Variants in LRCH1 observed in about 807,000 individuals in gnomAD.
LRCH1 encodes the protein leucine rich repeats and calponin homology domain containing 1, also known as leucine-rich repeat and calponin homology domain-containing protein 1.
A neutral mutation model predicts 94.9 loss-of-function variants in LRCH1; 23 were observed. That is an observed-to-expected ratio of 0.24 (90% CI 0.17 to 0.34). The LOEUF (loss-of-function observed/expected upper bound fraction) is 0.34. Among genes scored for constraint, LRCH1 ranks in the 10% least tolerant of loss-of-function variants. The pLI, the probability that LRCH1 is intolerant of heterozygous loss-of-function variation, is 1.00. For synonymous variants in LRCH1, 364 were observed against 354.9 expected, an observed-to-expected ratio of 1.03 and a Z score of -0.29; for missense variants, 790 against 945.9, an observed-to-expected ratio of 0.84 and a Z score of 2.16.
chr13:46,623,331 G>A (rs2050902685), intron 1 of LRCH1, among the ~76,000 whole-genome samples: 2 of 152,136 alleles, frequency 1.3e-5, no homozygotes, highest in African/African-American at 4.8e-5. Context: ...GATGGTAATG[G>A]TGGGGAAAGA....
At chr13:46,739,031 A>C (rs1439162460) in intron 19 of LRCH1, among the ~76,000 whole-genome samples, 2 of 152,246 alleles carry the variant, frequency 1.3e-5, no homozygotes, top group Non-Finnish European at 2.9e-5. Context: ...TTTAGATTAA[A>C]AAATACTTTG....
chr13:46,752,633 G>A (rs1006818701), exon 19 of LRCH1: 2 of 152,184 alleles, frequency 1.3e-5, no homozygotes, highest in East Asian at 3.8e-4. Context: ...AACATTCAAA[G>A]GTTGACTATA....
intron 1 of LRCH1, among the ~76,000 whole-genome samples, chr13:46,626,639 G>C (rs1368962797): frequency 6.6e-6 from 1 of 152,156 alleles, no homozygotes; most frequent in African/African-American, 2.4e-5. Flanking sequence ...CCTGCACCCA[G>C]GTGAAATAAA....
intron 11 of LRCH1, among the ~76,000 whole-genome samples, chr13:46,701,551 A>T (rs1043073576): frequency 6.6e-6 from 1 of 152,254 alleles, no homozygotes; most frequent in African/African-American, 2.4e-5. Flanking sequence ...ATTTATAAAA[A>T]ATATAAAGAA....
At chr13:46,740,902 G>T (rs1266581385) in intron 19 of LRCH1, among the ~76,000 whole-genome samples, 1 of 152,004 alleles carries the variant, frequency 6.6e-6, no homozygotes, top group East Asian at 1.9e-4. Context: ...AAAACACAGA[G>T]GTCTACCCCC....
intron 4 of LRCH1, among the ~76,000 whole-genome samples, chr13:46,683,376 A>C (rs1870441341): frequency 1.3e-5 from 2 of 152,224 alleles, no homozygotes; most frequent in Admixed American, 1.3e-4. Context: ...TAGAAACTCA[A>C]CATTTTTTAC....
chr13:46,735,076 A>G (rs1873304317), intron 19 of LRCH1, among the ~76,000 whole-genome samples: 1 of 151,934 alleles, frequency 6.6e-6, no homozygotes, highest in Admixed American at 6.6e-5. Flanking sequence ...TTTGAGGAAA[A>G]GGAGAGCATT....
At chr13:46,585,325 C>G (rs545343414) in intron 1 of LRCH1, among the ~76,000 whole-genome samples, 17 of 152,220 alleles carry the variant, frequency 1.1e-4, no homozygotes, top group Middle Eastern at 3.4e-3. Flanking sequence ...CGCCTGTAAT[C>G]CCAGCACTTT....
intron 11 of LRCH1, among the ~76,000 whole-genome samples, chr13:46,703,811 G>T (rs1871612296): frequency 6.6e-6 from 1 of 151,960 alleles, no homozygotes; most frequent in African/African-American, 2.4e-5. Flanking sequence ...TATATAGATA[G>T]AATTAGGTAC....
intron 13 of LRCH1, among the ~76,000 whole-genome samples, chr13:46,708,967 G>A (rs1871918376): frequency 6.6e-6 from 1 of 152,254 alleles, no homozygotes; most frequent in African/African-American, 2.4e-5. Flanking sequence ...GGGAAGAAGA[G>A]AGGGAGAGAG....
rs138121812 is a variant in LRCH1, at chr13:46,720,067, A to C, written c.1760-3154A>C. Among the ~76,000 whole-genome samples, 428 of 151,918 alleles carry C rather than the reference A, an allele frequency of 2.8e-3. 3 individuals are homozygous for C. The highest frequency in any genetic ancestry group is 0.01 in the African/African-American group (418 of 41,432). ...TAAACTATAGGCTTAATTTAAGCAG[A>C]ACTTATTTTTTTTCCTTCATCTTAA... On this transcript the variant is annotated intron_variant, in intron 16 of 19. Coordinates refer to ENST00000389797, the MANE Select transcript of LRCH1 (RefSeq NM_001164211.2).
At chr13:46,651,786 C>T (rs190264599) in intron 2 of LRCH1, among the ~76,000 whole-genome samples, 12,513 of 150,374 alleles carry the variant, frequency 0.083, 634 homozygotes, top group Middle Eastern at 0.15. Flanking sequence ...CTGCAAGCTC[C>T]GCCTCCCGGG....
intron 2 of LRCH1, among the ~76,000 whole-genome samples, chr13:46,664,011 G>A (rs2051482584): frequency 6.6e-6 from 1 of 152,226 alleles, no homozygotes. Context: ...GGAAGGATGA[G>A]AGAGAAAATG....
chr13:46,681,801 C>T lies in LRCH1; in HGVS notation c.640C>T (p.Arg214Ter), dbSNP rs767358647. The change falls in exon 4 of 20, where the codon CGA (arginine) becomes TGA (stop). Residue 214 changes from arginine to a stop codon, truncating the protein, a stop_gained. Coordinates refer to ENST00000389797, the MANE Select transcript of LRCH1 (RefSeq NM_001164211.2). LOFTEE classifies it high-confidence loss of function. ...GCAGATAGGTCAGTTGAAATCTCTA[C>T]GAGAACTGAATGTCAGAAGAAATTA... Reference protein sequence around the residue: ...PQQIGQLKSLRELNVRRNYLK... With the variant: ...PQQIGQLKSL 2.5e-6 allele frequency: 4 copies of T among 1,613,224 alleles called. No homozygotes were observed. Among genetic ancestry groups the T allele is most frequent in the East Asian group, 2.2e-5 (1 of 44,870 alleles).
At chr13:46,715,925 C>T (rs538045460) in intron 16 of LRCH1, among the ~76,000 whole-genome samples, 5 of 151,834 alleles carry the variant, frequency 3.3e-5, no homozygotes, top group African/African-American at 1.2e-4. Context: ...CCCTTTTCTG[C>T]TTGGGTTTTT....
At chr13:46,654,805 T>C (rs1431418278) in intron 2 of LRCH1, among the ~76,000 whole-genome samples, 1 of 152,214 alleles carries the variant, frequency 6.6e-6, no homozygotes, top group African/African-American at 2.4e-5. Context: ...TACTTTCTTT[T>C]CTGTAGCACT....
intron 16 of LRCH1, among the ~76,000 whole-genome samples, chr13:46,721,020 A>G (rs546677128): frequency 3.3e-4 from 51 of 152,376 alleles, no homozygotes; most frequent in Non-Finnish European, 6.5e-4. Flanking sequence ...TAACATTCAT[A>G]GAGCAAATGC....
At chr13:46,593,442 A>G (rs1256409058) in intron 1 of LRCH1, among the ~76,000 whole-genome samples, 1 of 145,800 alleles carries the variant, frequency 6.9e-6, no homozygotes, top group Non-Finnish European at 1.6e-5. Flanking sequence ...GAGAATACAA[A>G]GGCAGTAATC....
intron 3 of LRCH1, chr13:46,680,010 T>A (rs975470244): frequency 6.6e-6 from 1 of 152,258 alleles, no homozygotes; most frequent in Non-Finnish European, 1.5e-5. Context: ...TCATCTTATT[T>A]GAATGAAAGT....
Sources: allele counts gnomAD v4.1 joint callset (sites outside exome capture counted in the v4.1 genomes callset), GRCh38; gene constraint gnomAD v4.1.1; transcripts MANE v1.5; gene names NCBI Gene and HGNC (gene_info 2026-07-23, HGNC 2026-07-21).